The following BLTP3B variants were observed in gnomAD, a reference collection of about 807,000 sequenced individuals.
BLTP3B encodes the protein UHRF1 (ICBP90) binding protein 1-like.
the BLTP3B span, among the ~76,000 whole-genome samples, chr12:100,055,677 CAAAAAAAA>C: frequency 1.2e-5 from 1 of 83,372 alleles, no homozygotes; most frequent in African/African-American, 3.6e-5. Flanking sequence ...AACTACATCT[CAAAAAAAA>C]AAAAAAAAAA....
chr12:100,069,936 A>G, the BLTP3B span: 1 of 1,145,242 alleles, frequency 8.7e-7, no homozygotes, highest in Non-Finnish European at 1.1e-6. Flanking sequence ...ATTTTATTTA[A>G]GAAAAACAAT....
At chr12:100,037,200 G>C in the BLTP3B span, 3 of 937,228 alleles carry the variant, frequency 3.2e-6, no homozygotes, top group Non-Finnish European at 3.8e-6. Flanking sequence ...TTTTACATTA[G>C]TCATAAAAGC....
At chr12:100,059,746 A>G in the BLTP3B span, 1 of 1,288,066 alleles carries the variant, frequency 7.8e-7, no homozygotes, top group Admixed American at 2.7e-5. Context: ...ATCTTTTTAA[A>G]AAACATAACA....
the BLTP3B span, among the ~76,000 whole-genome samples, chr12:100,085,840 T>C: frequency 6.6e-6 from 1 of 152,064 alleles, no homozygotes; most frequent in African/African-American, 2.4e-5. Flanking sequence ...TCCTATAATT[T>C]AGCTAAACAT....
the BLTP3B span, chr12:100,128,745 A>G: frequency 5.5e-6 from 7 of 1,278,884 alleles, no homozygotes; most frequent in Non-Finnish European, 7.1e-6. Context: ...ATGGGTACAC[A>G]GGGGACACAG....
the BLTP3B span, chr12:100,059,551 T>G: frequency 6.4e-7 from 1 of 1,557,996 alleles, no homozygotes; most frequent in Non-Finnish European, 8.6e-7. Flanking sequence ...AGAAGAAAAA[T>G]TAATCTCATC....
At chr12:100,104,108 A>G in the BLTP3B span, among the ~76,000 whole-genome samples, 1 of 152,086 alleles carries the variant, frequency 6.6e-6, no homozygotes, top group Non-Finnish European at 1.5e-5. Context: ...ACTCACTCAT[A>G]CTTTTGAAAC....
the BLTP3B span, among the ~76,000 whole-genome samples, chr12:100,141,145 T>C: frequency 6.6e-6 from 1 of 152,062 alleles, no homozygotes; most frequent in Non-Finnish European, 1.5e-5. Flanking sequence ...TTGGGCCATA[T>C]ATATAATTTT....
At chr12:100,088,212 C>T in the BLTP3B span, among the ~76,000 whole-genome samples, 1 of 152,140 alleles carries the variant, frequency 6.6e-6, no homozygotes, top group African/African-American at 2.4e-5. Flanking sequence ...AGGTCTTCAG[C>T]CTGATTCTAA....
the BLTP3B span, among the ~76,000 whole-genome samples, chr12:100,048,885 A>G: frequency 6.6e-6 from 1 of 151,980 alleles, no homozygotes; most frequent in Non-Finnish European, 1.5e-5. Flanking sequence ...GTATAAACAC[A>G]TAGTTTAAAA....
At chr12:100,092,018 AG>A in the BLTP3B span, among the ~76,000 whole-genome samples, 1 of 151,992 alleles carries the variant, frequency 6.6e-6, no homozygotes, top group Admixed American at 6.5e-5. Context: ...CATGTTGGCC[AG>A]GCTGGTCTTG....
chr12:100,073,159 A>C, the BLTP3B span, among the ~76,000 whole-genome samples: 1 of 152,180 alleles, frequency 6.6e-6, no homozygotes, highest in African/African-American at 2.4e-5. Flanking sequence ...CATAGATCCA[A>C]GTCCTCAAAT....
At chr12:100,066,079 T>C in the BLTP3B span, among the ~76,000 whole-genome samples, 1 of 152,106 alleles carries the variant, frequency 6.6e-6, no homozygotes, top group South Asian at 2.1e-4. Flanking sequence ...TACATTGAAA[T>C]ACTGGGGACA....
At chr12:100,101,111 A>G in the BLTP3B span, among the ~76,000 whole-genome samples, 2 of 152,214 alleles carry the variant, frequency 1.3e-5, no homozygotes, top group Non-Finnish European at 2.9e-5. Context: ...CAACTATTCT[A>G]TGAAAACTGA....
At chr12:100,084,402 A>T in the BLTP3B span, 1 of 1,203,576 alleles carries the variant, frequency 8.3e-7, no homozygotes, top group Middle Eastern at 2.0e-4. Context: ...ACACACACAC[A>T]CACACACACA....
chr12:100,128,653 A>T, the BLTP3B span: 1 of 1,286,498 alleles, frequency 7.8e-7, no homozygotes, highest in Admixed American at 2.3e-5. Context: ...GGTTTCTTAG[A>T]CTCCTCTGGT....
the BLTP3B span, chr12:100,051,691 A>G: frequency 6.6e-6 from 1 of 152,610 alleles, no homozygotes; most frequent in Admixed American, 6.5e-5. Context: ...GGGCTAATAA[A>G]GGCATTTCAT....
the BLTP3B span, chr12:100,098,339 A>G: frequency 6.4e-7 from 1 of 1,554,804 alleles, no homozygotes; most frequent in African/African-American, 1.4e-5. Context: ...AAAAAGAAAG[A>G]AAAAAATGTT....
the BLTP3B span, among the ~76,000 whole-genome samples, chr12:100,046,386 C>T: frequency 6.6e-6 from 1 of 152,124 alleles, no homozygotes. Flanking sequence ...CCATGGAATA[C>T]TATGCAGCCA....
Sources: gnomAD v4.1 joint callset for allele counts (sites outside exome capture counted in the v4.1 genomes callset) on GRCh38, gnomAD v4.1.1 for gene constraint, MANE v1.5 for transcripts, NCBI Gene and HGNC (gene_info 2026-07-23, HGNC 2026-07-21) for gene names.